LRFN5: variants seen among roughly 807,000 people sequenced by gnomAD.
LRFN5 encodes leucine-rich repeat and fibronectin type-III domain-containing protein 5.
In LRFN5, 24 loss-of-function variants were observed where a neutral mutation model predicts 45.6. The ratio of observed to expected loss-of-function variants is 0.53; its 90% CI spans 0.38 to 0.74. The LOEUF is 0.74. LRFN5 is among the 30% of genes least tolerant of loss of function. The pLI, the probability that LRFN5 is intolerant of heterozygous loss-of-function variation, is 0.00. For missense variants in LRFN5, 776 were observed against 861.5 expected (o/e 0.90, Z 1.24); for synonymous variants, 340 against 313.8 (o/e 1.08, Z -0.88).
intron 1 of LRFN5, among the ~76,000 whole-genome samples, chr14:41,750,279 A>G (rs1173696594): frequency 1.0e-4 from 1 of 9,630 alleles, no homozygotes; most frequent in African/African-American, 5.3e-4. Flanking sequence ...ATATATATAT[A>G]TATATATATA....
chr14:41,779,782 G>T (rs558215161), intron 2 of LRFN5, among the ~76,000 whole-genome samples: 3 of 151,878 alleles, frequency 2.0e-5, no homozygotes, highest in African/African-American at 7.2e-5. Context: ...TTACTTTATG[G>T]TCATTCAAAT....
intron 1 of LRFN5, among the ~76,000 whole-genome samples, chr14:41,655,915 T>C (rs1378743591): frequency 6.6e-6 from 1 of 152,040 alleles, no homozygotes; most frequent in Non-Finnish European, 1.5e-5. Flanking sequence ...GCCTAGCACA[T>C]AAGTGCTCAA....
At chr14:41,734,344 A>ATATATATATATATATATTTT (rs1428416141) in intron 1 of LRFN5, among the ~76,000 whole-genome samples, 1 of 105,982 alleles carries the variant, frequency 9.4e-6, no homozygotes, top group African/African-American at 3.2e-5. Flanking sequence ...ATATATATAT[A>ATATATATATATATATATTTT]TTTAAATTTG....
chr14:41,639,949 A>ATTTTTTTTTTTTTT (rs34020254), intron 1 of LRFN5, among the ~76,000 whole-genome samples: 3 of 68,036 alleles, frequency 4.4e-5, no homozygotes, highest in Non-Finnish European at 8.0e-5. Context: ...TGACTGGCTA[A>ATTTTTTTTTTTTTT]TTTTTTTTTT....
intron 1 of LRFN5, among the ~76,000 whole-genome samples, chr14:41,758,137 A>T (rs534196924): frequency 6.6e-6 from 1 of 152,202 alleles, no homozygotes; most frequent in East Asian, 1.9e-4. Flanking sequence ...GGTTTTTCCA[A>T]CCACTTTTTA....
Position 41,675,869 on chromosome 14 carries a change from A to G in LRFN5, c.-197+67307A>G, listed in dbSNP as rs533966713. ...TAATCACCTAAAGCCTGTGAAAATT[A>G]CCTAAAGGGCATTCAGCAAACAGAT... On this transcript the variant is annotated intron_variant, in intron 1 of 5. Coordinates refer to ENST00000298119, the MANE Select transcript of LRFN5 (RefSeq NM_152447.5). Among the ~76,000 whole-genome samples, 51 of 152,304 alleles carry G rather than the reference A, an allele frequency of 3.3e-4. 2 individuals carry two copies. In the South Asian group the frequency reaches 0.01, roughly 30 times the overall value.
At position 41,891,742 on chromosome 14, in the gene LRFN5, C is replaced by A; in HGVS notation, c.1878C>A (p.Thr626=). 6.2e-7 allele frequency: 1 copy of A among 1,614,168 alleles called. No homozygotes were observed. The highest frequency in any genetic ancestry group is 8.5e-7 in the Non-Finnish European group (1 of 1,180,028). Residue 626 remains threonine, a synonymous_variant, in exon 4 of 6, where the codon ACC becomes ACA. Coordinates refer to ENST00000298119, the MANE Select transcript of LRFN5 (RefSeq NM_152447.5). ...CGAGTCAGGACTCCTCTACCACTAC[C>A]TCTGCTTTGCCTCCTTCCTGGACTT... The part of the protein sequence containing the change: ...TCSSQDSSTT[T]SALPPSWTSS...
At chr14:41,869,300 G>A (rs1202278765) in intron 2 of LRFN5, among the ~76,000 whole-genome samples, 1 of 152,110 alleles carries the variant, frequency 6.6e-6, no homozygotes, top group African/African-American at 2.4e-5. Context: ...CTGTTAGGAA[G>A]TCCCTATTTT....
chr14:41,661,114 C>T (rs550602539), intron 1 of LRFN5, among the ~76,000 whole-genome samples: 2 of 151,520 alleles, frequency 1.3e-5, no homozygotes, highest in African/African-American at 4.8e-5. Flanking sequence ...CTTACCAACA[C>T]AAAATAAATC....
At chr14:41,778,235 C>A (rs985699386) in intron 2 of LRFN5, among the ~76,000 whole-genome samples, 2 of 151,386 alleles carry the variant, frequency 1.3e-5, no homozygotes, top group Non-Finnish European at 3.0e-5. Context: ...AATAAATGAG[C>A]AATTAGGCAT....
At chr14:41,814,184 T>C (rs1481231513) in intron 2 of LRFN5, among the ~76,000 whole-genome samples, 1 of 152,182 alleles carries the variant, frequency 6.6e-6, no homozygotes, top group Non-Finnish European at 1.5e-5. Flanking sequence ...ATTTGTCAAT[T>C]TTGGCTTTTG....
At chr14:41,742,425 G>A (rs372374495) in intron 1 of LRFN5, among the ~76,000 whole-genome samples, 5 of 149,550 alleles carry the variant, frequency 3.3e-5, no homozygotes, top group African/African-American at 1.2e-4. Flanking sequence ...TTTATACTAA[G>A]TGAATTCAGC....
intron 2 of LRFN5, among the ~76,000 whole-genome samples, chr14:41,775,864 T>C (rs553036571): frequency 2.6e-5 from 4 of 152,374 alleles, no homozygotes; most frequent in East Asian, 3.9e-4. Context: ...ACATTTCTTA[T>C]ATGCATCCTG....
At position 41,887,594 on chromosome 14, in the gene LRFN5, T is replaced by C. The variant is rs200743284; in HGVS notation, c.969T>C (p.Pro323=). ...AGCCTGCAATTCACTGGATTTCTCCTGAAGGGAAGCTTATTTCAAATGCAA... is the reference window on the plus strand; with the variant it reads ...AGCCTGCAATTCACTGGATTTCTCCCGAAGGGAAGCTTATTTCAAATGCAA... ...DPEPAIHWIS[P]EGKLISNATR... Residue 323 remains proline, a synonymous_variant, in exon 3 of 6, where the codon CCT becomes CCC. Transcript: ENST00000298119. This position sits in a 1 kb window ranked among gnomAD's most constrained non-coding sequence, Gnocchi z 4.8. The C allele has an allele frequency of 2.8e-5, 45 of 1,614,086 alleles. No homozygotes were observed. Among genetic ancestry groups the C allele is most frequent in the Admixed American group, 6.7e-5 (4 of 60,010 alleles).
chr14:41,759,899 G>A (rs1021449031), intron 1 of LRFN5, among the ~76,000 whole-genome samples: 1 of 152,160 alleles, frequency 6.6e-6, no homozygotes, highest in Admixed American at 6.5e-5. Context: ...ACGTAAGTCC[G>A]CCCTAAGGCA....
chr14:41,845,995 T>C (rs1889048284), intron 2 of LRFN5, among the ~76,000 whole-genome samples: 1 of 152,168 alleles, frequency 6.6e-6, no homozygotes. Flanking sequence ...CCAACAGTAT[T>C]TGTAGCCATT....
At chr14:41,662,897 C>T (rs181819257) in intron 1 of LRFN5, among the ~76,000 whole-genome samples, 64 of 152,204 alleles carry the variant, frequency 4.2e-4, no homozygotes, top group Middle Eastern at 3.4e-3. Context: ...ACAATATACC[C>T]ATTACTGACA....
intron 1 of LRFN5, among the ~76,000 whole-genome samples, chr14:41,711,537 A>C (rs1046522672): frequency 6.6e-6 from 1 of 152,236 alleles, no homozygotes; most frequent in Non-Finnish European, 1.5e-5. Flanking sequence ...AAATCTCCCC[A>C]TCATGTAGAA....
Position 41,887,410 on chromosome 14 carries a change from C to T in LRFN5, c.785C>T (p.Thr262Ile). 1 of 1,614,160 alleles carries T rather than the reference C, an allele frequency of 6.2e-7. No homozygotes were observed. The highest frequency in any genetic ancestry group is 8.5e-7 in the Non-Finnish European group (1 of 1,180,026). The change falls in exon 3 of 6, where the codon ACC becomes ATC. Residue 262 changes from threonine to isoleucine, a missense_variant. Coordinates refer to ENST00000298119, the MANE Select transcript of LRFN5 (RefSeq NM_152447.5). The surrounding 1 kb of genome is among the most constrained non-coding windows in gnomAD (Gnocchi z 4.8). ...RRLSREDDLE[T>I]CASPPLLTGR... ...CTGTCCAGAGAAGATGACTTAGAGACCTGTGCTTCTCCTCCACTTTTAACT... is the reference window on the plus strand; with the variant it reads ...CTGTCCAGAGAAGATGACTTAGAGATCTGTGCTTCTCCTCCACTTTTAACT...
Sources: allele counts gnomAD v4.1 joint callset (sites outside exome capture counted in the v4.1 genomes callset), GRCh38; gene constraint gnomAD v4.1.1; non-coding constraint Gnocchi (gnomAD v3.1); transcripts MANE v1.5; gene names NCBI Gene and HGNC (gene_info 2026-07-23, HGNC 2026-07-21).